PHF21B: variants seen among roughly 807,000 people sequenced by gnomAD.
The protein encoded by PHF21B is PHD finger protein 21B.
Under a neutral mutation model 62.2 loss-of-function variants are expected in PHF21B, and 22 were observed. The ratio of observed to expected loss-of-function variants is 0.35; its 90% CI spans 0.25 to 0.51. The LOEUF is 0.51. Ranked by LOEUF, PHF21B falls within the 20% of genes least tolerant of loss-of-function variation. PHF21B has a pLI of 0.97. For synonymous variants in PHF21B, 341 were observed against 314.7 expected (o/e 1.08, Z -0.88); for missense variants, 701 against 707.9 (o/e 0.99, Z 0.11).
At chr22:44,920,556 G>A (rs1001404900) in intron 2 of PHF21B, 66 bp from the exon 3 acceptor site, 44 of 1,261,656 alleles carry the variant, frequency 3.5e-5, no homozygotes, top group Non-Finnish European at 4.8e-5. Context: ...GTTGCCCCCA[G>A]CCTGGCCAAG....
At chr22:44,907,783 A>C (rs898190987) in intron 5 of PHF21B, among the ~76,000 whole-genome samples, 4 of 152,210 alleles carry the variant, frequency 2.6e-5, no homozygotes, top group Admixed American at 6.5e-5. Context: ...CAAACCTAGG[A>C]AAGTAAGGTG....
chr22:44,906,701 C>T (rs1309224632), intron 5 of PHF21B, among the ~76,000 whole-genome samples: 2 of 152,216 alleles, frequency 1.3e-5, no homozygotes, highest in Admixed American at 6.5e-5. Flanking sequence ...GCTCCGTGAC[C>T]GTACATGTGG....
At chr22:44,896,265 G>C (rs1377554742) in intron 5 of PHF21B, among the ~76,000 whole-genome samples, 182 bp from the exon 6 acceptor site, 1 of 152,114 alleles carries the variant, frequency 6.6e-6, no homozygotes, top group Non-Finnish European at 1.5e-5. Context: ...TTTCCAAAGA[G>C]AGTATCTACA....
chr22:44,934,903 TG>T (rs1327752082), intron 2 of PHF21B, among the ~76,000 whole-genome samples: 3 of 152,110 alleles, frequency 2.0e-5, no homozygotes, highest in Non-Finnish European at 4.4e-5. Flanking sequence ...CAGGCCATCC[TG>T]GGAAGTGTCC....
At chr22:44,924,921 T>C (rs1171049996) in intron 2 of PHF21B, among the ~76,000 whole-genome samples, 1 of 152,162 alleles carries the variant, frequency 6.6e-6, no homozygotes, top group African/African-American at 2.4e-5. Context: ...CACCAACAAG[T>C]ACACGGATGA....
In PHF21B at chr22:44,916,575, C is replaced by T. The variant is rs114778719; in HGVS notation, c.269G>A (p.Arg90Gln). The T allele has an allele frequency of 6.7e-4, 1,080 of 1,606,676 alleles. 22 individuals carry two copies. In the East Asian group the frequency reaches 0.016, roughly 24 times the overall value. The change falls in exon 4 of 13, where the codon CGG (arginine) becomes CAG (glutamine). Residue 90 changes from arginine to glutamine, a missense_variant. By Grantham distance (43) the Arg-to-Gln change is conservative. Coordinates refer to ENST00000313237, the MANE Select transcript of PHF21B (RefSeq NM_138415.5). ...DSLPVAPGRD[R>Q]PPKQPPTFQK... is the part of the protein sequence containing the mutation. ...GAATGTTGGGGGCTGCTTGGGTGGC[C>T]GGTCCCGGCCCGGGGCAACGGGGAG... is the stretch of plus-strand genomic sequence containing the variant.
intron 2 of PHF21B, among the ~76,000 whole-genome samples, chr22:44,958,785 ATTTTTGTATTTTGTAGAGACAGGG>A (rs1032237496): frequency 2.0e-5 from 3 of 150,980 alleles, no homozygotes; most frequent in African/African-American, 4.9e-5. Flanking sequence ...TTTTATTTTT[ATTTTTGTATTTTGTAGAGACAGGG>A]TTTTTGTATT....
At position 44,937,920 on chromosome 22, in the gene PHF21B, C is replaced by T. The variant is rs142147647; in HGVS notation, c.121-17430G>A. On this transcript the variant is annotated intron_variant, in intron 2 of 12. Coordinates refer to ENST00000313237, the MANE Select transcript of PHF21B (RefSeq NM_138415.5). ...TCTCAACAGCGGGTGCTCTGCGGGA[C>T]GCATCGCGCAGGTGCAGAATTTTCT... 1.5e-3 allele frequency among the ~76,000 whole-genome samples: 233 copies of T among 152,372 alleles called. 2 individuals carry two copies. Among genetic ancestry groups the T allele is most frequent in the African/African-American group, 5.4e-3 (223 of 41,594 alleles).
At position 44,920,424 on chromosome 22, in the gene PHF21B, C is replaced by T. The variant is rs369146125; in HGVS notation, c.187G>A (p.Gly63Arg). ...PQVSSLQRLA[G>R]QGAAVLPQVR... is the part of the protein sequence containing the mutation. ...TGAGGTAGCACTGCCGCTCCTTGCC[C>T]GGCCAACCTCTGCAAGGAGCTGACC... The change falls in exon 3 of 13, where the codon GGG becomes AGG. Residue 63 changes from glycine to arginine, a missense_variant. Physicochemically the swap from Gly to Arg is moderately radical, Grantham distance 125. Coordinates refer to ENST00000313237, the MANE Select transcript of PHF21B (RefSeq NM_138415.5). 101 of 1,611,972 alleles carry T rather than the reference C, an allele frequency of 6.3e-5. No homozygotes were observed. Among genetic ancestry groups the T allele is most frequent in the South Asian group, 1.9e-4 (17 of 90,746 alleles).
intron 2 of PHF21B, among the ~76,000 whole-genome samples, chr22:44,937,694 T>C (rs136694): frequency 0.72 from 110,191 of 152,216 alleles, 40,299 homozygotes; most frequent in East Asian, 0.96. Context: ...GTCCATCAAC[T>C]GGTGAGTGGG....
At chr22:44,961,843 TC>T (rs2072427981) in intron 2 of PHF21B, among the ~76,000 whole-genome samples, 1 of 134,186 alleles carries the variant, frequency 7.5e-6, no homozygotes, top group African/African-American at 3.0e-5. Context: ...AGACTCTGTC[TC>T]AAAATAAATA....
intron 4 of PHF21B, among the ~76,000 whole-genome samples, chr22:44,915,297 C>G (rs909021186): frequency 6.6e-6 from 1 of 152,220 alleles, no homozygotes; most frequent in Admixed American, 6.5e-5. Flanking sequence ...AAGAAAAACA[C>G]TGAAGCTTAA....
At chr22:44,946,329 C>T (rs1311034651) in intron 2 of PHF21B, among the ~76,000 whole-genome samples, 2 of 151,872 alleles carry the variant, frequency 1.3e-5, no homozygotes, top group Admixed American at 6.6e-5. Flanking sequence ...TGCCCTCTAC[C>T]AGCACCTTCT....
At chr22:44,956,943 C>A (rs73422552) in intron 2 of PHF21B, among the ~76,000 whole-genome samples, 2,574 of 152,346 alleles carry the variant, frequency 0.017, 75 homozygotes, top group African/African-American at 0.058. Context: ...GCCACATCCA[C>A]TCACCAACCA....
chr22:44,901,656 G>A (rs1179272590), intron 5 of PHF21B: 2 of 508,360 alleles, frequency 3.9e-6, no homozygotes, highest in Non-Finnish European at 6.2e-6. Context: ...CTGGTGGCAA[G>A]GTGAAAAGGG....
At chr22:44,996,594 TC>T (rs2073126177) in intron 2 of PHF21B, among the ~76,000 whole-genome samples, 1 of 141,660 alleles carries the variant, frequency 7.1e-6, no homozygotes, top group Non-Finnish European at 1.6e-5. Flanking sequence ...AGAGGAAGGG[TC>T]CCTACCCCGT....
chr22:44,981,474 C>A (rs767990537), intron 2 of PHF21B, among the ~76,000 whole-genome samples: 3 of 152,230 alleles, frequency 2.0e-5, no homozygotes, highest in Non-Finnish European at 4.4e-5. Flanking sequence ...CAGCACCTCA[C>A]CCAAGGCCTG....
chr22:44,895,987 G>A (rs1394833962), intron 6 of PHF21B, 45 bp downstream of exon 6: 18 of 1,609,274 alleles, frequency 1.1e-5, no homozygotes, highest in Admixed American at 3.3e-5. Flanking sequence ...CCCGGCTTTC[G>A]GGTCAGTCCC....
At chr22:44,900,597 G>A (rs905551688) in intron 5 of PHF21B, among the ~76,000 whole-genome samples, 24 of 152,180 alleles carry the variant, frequency 1.6e-4, no homozygotes, top group African/African-American at 5.3e-4. Context: ...CACTGCACCC[G>A]GCTAGATTTA....
Sources: gnomAD v4.1 joint callset for allele counts (sites outside exome capture counted in the v4.1 genomes callset) on GRCh38, gnomAD v4.1.1 for gene constraint, MANE v1.5 for transcripts, NCBI Gene and HGNC (gene_info 2026-07-23, HGNC 2026-07-21) for gene names.